The following TLE1 variants were observed in gnomAD, a reference collection of about 807,000 sequenced individuals.
TLE1 encodes the protein TLE family member 1, transcriptional corepressor, also known as transducin-like enhancer protein 1.
Under a neutral mutation model 89.8 loss-of-function variants are expected in TLE1, and 21 were observed. That is an observed-to-expected ratio of 0.23 (90% CI 0.17 to 0.34). The LOEUF is 0.34. Among genes scored for constraint, TLE1 ranks in the 10% least tolerant of loss-of-function variants. The probability of loss-of-function intolerance (pLI) is 1.00; values close to 1 mark genes in which losing one functional copy is unlikely to be tolerated. For missense variants in TLE1, 795 were observed against 1,031.2 expected, an observed-to-expected ratio of 0.77 and a Z score of 3.14; for synonymous variants, 447 against 407.6, an observed-to-expected ratio of 1.10 and a Z score of -1.16.
intron 14 of TLE1, among the ~76,000 whole-genome samples, chr9:81,607,906 T>C (rs777189645): frequency 2.0e-4 from 31 of 152,216 alleles, no homozygotes; most frequent in Non-Finnish European, 4.3e-4. Context: ...TGATTCCTAG[T>C]GTAGACAAAA....
At chr9:81,596,791 A>G (rs1226943988) in intron 14 of TLE1, among the ~76,000 whole-genome samples, 1 of 152,074 alleles carries the variant, frequency 6.6e-6, no homozygotes, top group Non-Finnish European at 1.5e-5. Flanking sequence ...GGGGCATGGG[A>G]GGGGTTTCTG....
At chr9:81,666,637 T>A (rs781387947) in intron 4 of TLE1, among the ~76,000 whole-genome samples, 100 of 151,628 alleles carry the variant, frequency 6.6e-4, no homozygotes, top group Non-Finnish European at 2.4e-4. Context: ...TAGCCAGGCG[T>A]GGTGGTGCAC....
intron 5 of TLE1, among the ~76,000 whole-genome samples, chr9:81,652,803 C>A (rs1390386165): frequency 6.6e-6 from 1 of 152,110 alleles, no homozygotes; most frequent in Non-Finnish European, 1.5e-5. Flanking sequence ...ATAAAATACC[C>A]ATTTTAATAC....
chr9:81,687,675 G>A (rs918356944), intron 1 of TLE1, among the ~76,000 whole-genome samples: 3 of 152,074 alleles, frequency 2.0e-5, no homozygotes, highest in East Asian at 3.9e-4. Flanking sequence ...TGCGCTAAGT[G>A]CGCCCGGGTC....
At chr9:81,628,533 G>C (rs2132284235) in intron 8 of TLE1, among the ~76,000 whole-genome samples, 1 of 152,264 alleles carries the variant, frequency 6.6e-6, no homozygotes, top group Non-Finnish European at 1.5e-5. Flanking sequence ...TTGAGACAAA[G>C]TGATGGATGG....
intron 4 of TLE1, among the ~76,000 whole-genome samples, chr9:81,682,940 GA>G (rs1227846785): frequency 2.0e-5 from 3 of 152,240 alleles, no homozygotes; most frequent in African/African-American, 7.2e-5. Flanking sequence ...CGGGAGCAGA[GA>G]AAGTAAAGGC....
intron 14 of TLE1, among the ~76,000 whole-genome samples, chr9:81,597,260 G>C (rs1830344348): frequency 6.6e-6 from 1 of 151,800 alleles, no homozygotes; most frequent in Non-Finnish European, 1.5e-5. Context: ...TGACAGTATT[G>C]TTATCGCACC....
At chr9:81,674,501 A>G (rs1039545244) in intron 4 of TLE1, among the ~76,000 whole-genome samples, 7 of 152,332 alleles carry the variant, frequency 4.6e-5, no homozygotes, top group South Asian at 2.1e-4. Flanking sequence ...CCTGAGGCCA[A>G]CTGAAAATCT....
chr9:81,591,185 T>C (rs568702376), intron 15 of TLE1, 133 bp from the exon 16 acceptor site: 10 of 1,230,208 alleles, frequency 8.1e-6, no homozygotes, highest in Non-Finnish European at 1.1e-5. Context: ...AAGAGTTCTC[T>C]AGTCAAGATT....
chr9:81,660,934 AACAC>A (rs548190067), intron 4 of TLE1, among the ~76,000 whole-genome samples: 14,592 of 88,574 alleles, frequency 0.16, 1,196 homozygotes, highest in South Asian at 0.3. Context: ...ATCCCTACTA[AACAC>A]ACACACACAC....
intron 9 of TLE1, 43 bp downstream of exon 9, chr9:81,620,398 C>A: frequency 7.0e-7 from 1 of 1,430,730 alleles, no homozygotes. Context: ...CTCAGGTGAG[C>A]AGTAAGCAAA....
chr9:81,653,920 T>C, intron 5 of TLE1, 54 bp downstream of exon 5: 1 of 1,532,660 alleles, frequency 6.5e-7, no homozygotes, highest in Non-Finnish European at 9.0e-7. Flanking sequence ...CTAGCTAATT[T>C]GCAAACAGAG....
chr9:81,616,685 G>A lies in TLE1; in HGVS notation c.726C>T (p.Asp242=). The A allele has an allele frequency of 3.1e-6, 5 of 1,613,978 alleles. No individual in the cohort carries two copies. Among genetic ancestry groups the A allele is most frequent in the Non-Finnish European group, 3.4e-6 (4 of 1,179,998 alleles). The change falls in exon 10 of 20, where the codon GAC becomes GAT. Residue 242 remains aspartate, a synonymous_variant. Coordinates refer to ENST00000376499, the MANE Select transcript of TLE1 (RefSeq NM_005077.5). ...KDSSHYDSDG[D]KSDDNLVVDV... ...CCACAACTAAGTTGTCATCGCTTTT[G>A]TCACCATCACTGTCCTGGAAAAAAG...
At chr9:81,586,747 T>G (rs911523073) in intron 17 of TLE1, among the ~76,000 whole-genome samples, 1 of 152,210 alleles carries the variant, frequency 6.6e-6, no homozygotes, top group Admixed American at 6.5e-5. Flanking sequence ...CTTGGACATT[T>G]GCTGTACTCA....
intron 6 of TLE1, among the ~76,000 whole-genome samples, chr9:81,640,016 A>T (rs1396280759): frequency 6.6e-6 from 1 of 152,144 alleles, no homozygotes; most frequent in African/African-American, 2.4e-5. Flanking sequence ...CTTCAGGGAC[A>T]TATGGCCATG....
chr9:81,626,189 C>T (rs1285829996), intron 8 of TLE1, among the ~76,000 whole-genome samples: 1 of 152,118 alleles, frequency 6.6e-6, no homozygotes, highest in Non-Finnish European at 1.5e-5. Context: ...CTTTCTCCTC[C>T]CCGCAGGAAA....
chr9:81,660,130 A>C (rs960679527), intron 4 of TLE1, among the ~76,000 whole-genome samples: 3 of 152,174 alleles, frequency 2.0e-5, no homozygotes, highest in Non-Finnish European at 2.9e-5. Flanking sequence ...CAAGATGGGA[A>C]GCATTACGAG....
chr9:81,638,237 G>C (rs1418829622), intron 6 of TLE1, among the ~76,000 whole-genome samples: 4 of 152,138 alleles, frequency 2.6e-5, no homozygotes, highest in African/African-American at 9.7e-5. Context: ...TCTGCAAAAG[G>C]ACACTATCCC....
chr9:81,588,647 A>T (rs949107902), intron 16 of TLE1, among the ~76,000 whole-genome samples: 7 of 152,196 alleles, frequency 4.6e-5, no homozygotes, highest in Non-Finnish European at 8.8e-5. Context: ...GTGCAAGGCA[A>T]CTAGCAGAGC....
Sources: gnomAD v4.1 joint callset for allele counts (sites outside exome capture counted in the v4.1 genomes callset) on GRCh38, gnomAD v4.1.1 for gene constraint, MANE v1.5 for transcripts, NCBI Gene and HGNC (gene_info 2026-07-23, HGNC 2026-07-21) for gene names.